Variants in TROAP observed in about 807,000 individuals in gnomAD.
TROAP encodes the protein tastin.
Under a neutral mutation model 83.4 loss-of-function variants are expected in TROAP, and 62 were observed. The observed-to-expected ratio is 0.74, with a 90% CI of 0.61 to 0.92. The LOEUF is 0.92. Ranked by LOEUF, TROAP falls within the 40% of genes least tolerant of loss-of-function variation. The pLI is 0.00. For synonymous variants in TROAP, 352 were observed against 386.4 expected, an observed-to-expected ratio of 0.91 and a Z score of 1.04; for missense variants, 876 against 985.1, an observed-to-expected ratio of 0.89 and a Z score of 1.48.
intron 13 of TROAP, 30 bp downstream of exon 13, chr12:49,330,973 C>G: frequency 6.2e-7 from 1 of 1,605,590 alleles, no homozygotes; most frequent in Non-Finnish European, 8.5e-7. Flanking sequence ...GGAGTGTGAA[C>G]ACAAGAGGTC....
rs1943581770 is a variant in TROAP, at chr12:49,331,410, GAGACTCCAACCCACAGCC to G, written c.2292+4_2292+21del. On this transcript the variant is annotated splice_donor_5th_base_variant and intron_variant, in intron 14 of 14. Transcript: ENST00000257909. ...TACTCGAATGGCAGGATGCCCTGGT[GAGACTCCAACCCACAGCC>G]CAGCTGTGGCTGCACAGTGAGCCTG... The G allele has an allele frequency of 1.2e-6, 2 of 1,612,094 alleles. No homozygotes were observed. Among genetic ancestry groups the G allele is most frequent in the Non-Finnish European group, 8.5e-7 (1 of 1,178,672 alleles).
Position 49,331,451 on chromosome 12 carries a change from C to T in TROAP, c.2292+44C>T, listed in dbSNP as rs201390835. 18 of 1,608,256 alleles carry T rather than the reference C, an allele frequency of 1.1e-5. No individual in the cohort carries two copies. The East Asian group carries it at 3.8e-4, about 34-fold the overall frequency. ...GCCCAGCTGTGGCTGCACAGTGAGC[C>T]TGATGGGAGGTGGGGAACAGGGACA... is the stretch of plus-strand genomic sequence containing the variant. On this transcript the variant is annotated intron_variant, in intron 14 of 14. Coordinates refer to ENST00000257909, the MANE Select transcript of TROAP (RefSeq NM_005480.4).
chr12:49,331,189 C>T, intron 13 of TROAP, 25 bp from the exon 14 acceptor site: 1 of 1,613,832 alleles, frequency 6.2e-7, no homozygotes, highest in East Asian at 2.2e-5. Flanking sequence ...CCCAGACCTC[C>T]CTCTAAATTT....
rs552561916 is a variant in TROAP, at chr12:49,327,469, C to T, written c.891+139C>T. On this transcript the variant is annotated intron_variant, in intron 8 of 14. Coordinates refer to ENST00000257909, the MANE Select transcript of TROAP (RefSeq NM_005480.4). ...TCAGGATGTTACTGGGTAGGTTTAC[C>T]CCAGATGCACCCAGTCCCTCTCCAA... 4.5e-6 allele frequency: 5 copies of T among 1,104,476 alleles called. No individual in the cohort carries two copies. The African/African-American group carries it at 6.3e-5, about 14-fold the overall frequency. 68.4% of individuals were successfully genotyped at this position (1,104,476 alleles called of 1,614,324 possible). A position where few individuals can be genotyped will look rare whatever the true frequency, so the allele number is the denominator to read the frequency against.
At chr12:49,324,909 C>CTTTTTTTTTT (rs891098022) in intron 3 of TROAP, among the ~76,000 whole-genome samples, 1 of 112,552 alleles carries the variant, frequency 8.9e-6, no homozygotes, top group Non-Finnish European at 1.8e-5. Context: ...TGTTTTCTTT[C>CTTTTTTTTTT]TTTTTTTTTT....
chr12:49,327,179 G>T (rs1408205140), intron 7 of TROAP, 30 bp from the exon 8 acceptor site: 1 of 1,613,282 alleles, frequency 6.2e-7, no homozygotes. Context: ...GTGTTCTAGA[G>T]TCTACAACAA....
Position 49,325,652 on chromosome 12 carries a change from G to T in TROAP, c.489G>T (p.Arg163Ser). The T allele has an allele frequency of 6.2e-7, 1 of 1,613,620 alleles. No individual in the cohort carries two copies. The highest frequency in any genetic ancestry group is 2.2e-5 in the East Asian group (1 of 44,876). ...GAAGTCAGGGAGGCACCACCCAGAG[G>T]GTCCAGGTAATGAAACAGGATGTGA... ...VRGSQGGTTQ[R>S]VQGVRASAYL... is the part of the protein sequence containing the mutation. The change falls in exon 4 of 15, where the codon AGG (arginine) becomes AGT (serine). Residue 163 changes from arginine to serine, a missense_variant. Transcript: ENST00000257909.
chr12:49,328,896 G>A (rs878922798), intron 8 of TROAP, 31 bp from the exon 9 acceptor site: 1 of 1,513,386 alleles, frequency 6.6e-7, no homozygotes, highest in African/African-American at 1.4e-5. Flanking sequence ...AGGGGGCGGG[G>A]ATCACTCTTC....
At chr12:49,326,264 C>G (rs1240225357) in intron 6 of TROAP, 106 bp downstream of exon 6, 2 of 1,135,780 alleles carry the variant, frequency 1.8e-6, no homozygotes, top group Non-Finnish European at 2.6e-6. Context: ...TTAGGACTCC[C>G]CACCAACTCA....
chr12:49,326,082 C>T lies in TROAP; in HGVS notation c.640C>T (p.Pro214Ser), dbSNP rs138145940. The T allele has an allele frequency of 3.1e-6, 5 of 1,613,768 alleles. No individual in the cohort carries two copies. In the East Asian group the frequency reaches 8.9e-5, roughly 29 times the overall value. ...CPQRLQALIS[P>S]SGPSFHPSTR... The stretch of plus-strand genomic sequence containing the variant: ...TCTTGCTCCTGTGGATCAGATTTCA[C>T]CTTCAGGACCTTCCTTTCACCCTTC... Residue 214 changes from proline (P) to serine (S), a missense_variant, in exon 6 of 15, where the codon CCT becomes TCT. By Grantham distance (74) the Pro-to-Ser change is moderately conservative. Around this residue, in one of 3 missense-constraint regions of TROAP, gnomAD observed 689 missense variants for 722.6 expected, o/e 0.95. Coordinates refer to ENST00000257909, the MANE Select transcript of TROAP (RefSeq NM_005480.4).
In TROAP at chr12:49,328,932, C is replaced by T; in HGVS notation, c.897C>T (p.Ser299=). 6 of 1,560,082 alleles carry T rather than the reference C, an allele frequency of 3.8e-6. No individual in the cohort carries two copies. The highest frequency in any genetic ancestry group is 5.2e-6 in the Non-Finnish European group (6 of 1,152,598). The change falls in exon 9 of 15, where the codon AGC becomes AGT. Residue 299 remains serine, a synonymous_variant. Coordinates refer to ENST00000257909, the MANE Select transcript of TROAP (RefSeq NM_005480.4). ...ENREMSHTRD[S]HDSHLMPSPA... Reference sequence around the variant, plus strand: ...CACCTTTTTCTTCTTCACAGGACAGCCATGACTCCCACCTGATGCCCTCCC... The same window carrying T: ...CACCTTTTTCTTCTTCACAGGACAGTCATGACTCCCACCTGATGCCCTCCC...
Position 49,329,655 on chromosome 12 carries a change from G to A in TROAP, c.1164+201G>A, listed in dbSNP as rs1943549861. The A allele has an allele frequency of 2.0e-6, 2 of 996,458 alleles. No individual in the cohort carries two copies. Among genetic ancestry groups the A allele is most frequent in the South Asian group, 1.6e-5 (1 of 61,310 alleles). 61.7% of individuals were successfully genotyped at this position (996,458 alleles called of 1,614,324 possible). A position where few individuals can be genotyped will look rare whatever the true frequency, so the allele number is the denominator to read the frequency against. On this transcript the variant is annotated intron_variant, in intron 11 of 14. Transcript: ENST00000257909. The surrounding 1 kb of genome is among the most constrained non-coding windows in gnomAD (Gnocchi z 4.5). The stretch of plus-strand genomic sequence containing the variant: ...AGCCTGGGCAACATAGTGAGACCCT[G>A]TCTCCACTAAAATTTTAAAAATTAG...
In TROAP at chr12:49,329,299, A is replaced by C; in HGVS notation, c.1104+55A>C. The C allele has an allele frequency of 6.2e-7, 1 of 1,613,146 alleles. No homozygotes were observed. Among genetic ancestry groups the C allele is most frequent in the African/African-American group, 1.3e-5 (1 of 75,016 alleles). On this transcript the variant is annotated intron_variant, in intron 10 of 14. Transcript: ENST00000257909. The surrounding 1 kb of genome is among the most constrained non-coding windows in gnomAD (Gnocchi z 4.5). ...ATAAGTCACAGCTAGGGGAGAAAGG[A>C]GATGGATGGGTACAGGAGAGAGAAG...
In TROAP at chr12:49,331,314, G is replaced by A; in HGVS notation, c.2199G>A (p.Glu733=). 1 of 1,614,202 alleles carries A rather than the reference G, an allele frequency of 6.2e-7. No homozygotes were observed. The highest frequency in any genetic ancestry group is 8.5e-7 in the Non-Finnish European group (1 of 1,180,032). ...TCCACGAGGCTCGTCTGGACGATGAGTGTGCCTTTTACACCAGCCGAGCCC... is the reference window on the plus strand; with the variant it reads ...TCCACGAGGCTCGTCTGGACGATGAATGTGCCTTTTACACCAGCCGAGCCC... ...HCFHEARLDD[E]CAFYTSRAPP... Residue 733 remains glutamate (E), a synonymous_variant, in exon 14 of 15, where the codon GAG becomes GAA. Coordinates refer to ENST00000257909, the MANE Select transcript of TROAP (RefSeq NM_005480.4).
In TROAP at chr12:49,330,706, C is replaced by T. The variant is rs771361379; in HGVS notation, c.1861C>T (p.Pro621Ser). ...PEPCPPAEPGPLQPSTQGQSG... is the reference protein window; with the variant it reads ...PEPCPPAEPGSLQPSTQGQSG... ...GCCCTGCCCTCCAGCAGAACCCGGG[C>T]CCCTTCAGCCCAGCACCCAGGGGCA... The change falls in exon 13 of 15, where the codon CCC becomes TCC. Residue 621 changes from proline to serine, a missense_variant. Around this residue, in one of 3 missense-constraint regions of TROAP, gnomAD observed 184 missense variants for 238.3 expected, o/e 0.77. Transcript: ENST00000257909. The T allele has an allele frequency of 1.4e-5, 23 of 1,613,998 alleles. No homozygotes were observed. Among genetic ancestry groups the T allele is most frequent in the Non-Finnish European group, 1.9e-5 (22 of 1,180,008 alleles).
chr12:49,323,511 C>T, intron 1 of TROAP, 93 bp from the exon 2 acceptor site: 2 of 1,514,644 alleles, frequency 1.3e-6, no homozygotes, highest in Non-Finnish European at 1.8e-6. Context: ...TGGATTAGGG[C>T]GGAGGTATCA....
chr12:49,329,746 T>C lies in TROAP; in HGVS notation c.1165-111T>C. 4 of 1,464,384 alleles carry C rather than the reference T, an allele frequency of 2.7e-6. No homozygotes were observed. In the South Asian group the frequency reaches 5.4e-5, roughly 20 times the overall value. 90.7% of individuals were successfully genotyped at this position (1,464,384 alleles called of 1,614,324 possible). On this transcript the variant is annotated intron_variant, in intron 11 of 14. Coordinates refer to ENST00000257909, the MANE Select transcript of TROAP (RefSeq NM_005480.4). This position sits in a 1 kb window ranked among gnomAD's most constrained non-coding sequence, Gnocchi z 4.5. ...TCTGCTGCCCCTCCTAATGTACATCTAGGGCCTCTCAGTTAGGGGCTTCAA... is the reference window on the plus strand; with the variant it reads ...TCTGCTGCCCCTCCTAATGTACATCCAGGGCCTCTCAGTTAGGGGCTTCAA...
Position 49,330,728 on chromosome 12 carries a change from G to A in TROAP, c.1883G>A (p.Gly628Glu). Reference protein sequence around the residue: ...EPGPLQPSTQGQSGPPGPCPR... With the variant: ...EPGPLQPSTQEQSGPPGPCPR... ...GGGCCCCTTCAGCCCAGCACCCAGG[G>A]GCAGTCTGGACCCCCAGGGCCCTGC... is the stretch of plus-strand genomic sequence containing the variant. The change falls in exon 13 of 15, where the codon GGG (glycine) becomes GAG (glutamate). Residue 628 changes from glycine (G) to glutamate (E), a missense_variant. By Grantham distance (98) the Gly-to-Glu change is moderately conservative. Coordinates refer to ENST00000257909, the MANE Select transcript of TROAP (RefSeq NM_005480.4). 1 of 1,614,028 alleles carries A rather than the reference G, an allele frequency of 6.2e-7. No individual in the cohort carries two copies.
In TROAP at chr12:49,327,287, A is replaced by G; in HGVS notation, c.848A>G (p.Gln283Arg). ...GGTGTGGCCTCTCTTGGTCTGGCCCAGCGAGTACCATTAAGAGAAAACCGA... is the reference window on the plus strand; with the variant it reads ...GGTGTGGCCTCTCTTGGTCTGGCCCGGCGAGTACCATTAAGAGAAAACCGA... ...EGGVASLGLA[Q>R]RVPLRENREM... Residue 283 changes from glutamine (Q) to arginine (R), a missense_variant, in exon 8 of 15, where the codon CAG becomes CGG. Physicochemically the swap from Gln to Arg is conservative, Grantham distance 43. Coordinates refer to ENST00000257909, the MANE Select transcript of TROAP (RefSeq NM_005480.4). 4 of 1,614,192 alleles carry G rather than the reference A, an allele frequency of 2.5e-6. No individual in the cohort carries two copies. Among genetic ancestry groups the G allele is most frequent in the Non-Finnish European group, 3.4e-6 (4 of 1,180,014 alleles).
Sources: gnomAD v4.1 joint callset for allele counts (sites outside exome capture counted in the v4.1 genomes callset) on GRCh38, gnomAD v4.1.1 for gene constraint, gnomAD v4.1.1 regional missense constraint, Gnocchi (gnomAD v3.1) non-coding constraint, MANE v1.5 for transcripts, NCBI Gene and HGNC (gene_info 2026-07-23, HGNC 2026-07-21) for gene names.